The following ZNF608 variants were observed in gnomAD, a reference collection of about 807,000 sequenced individuals.
The protein encoded by ZNF608 is zinc finger protein 608.
A neutral mutation model predicts 109.0 loss-of-function variants in ZNF608; 12 were observed. The observed-to-expected ratio is 0.11, with a 90% CI of 0.07 to 0.18. The LOEUF (loss-of-function observed/expected upper bound fraction) is 0.18. Among genes scored for constraint, ZNF608 ranks in the 10% least tolerant of loss-of-function variants. The probability of loss-of-function intolerance (pLI) is 1.00; values close to 1 mark genes in which losing one functional copy is unlikely to be tolerated. For missense variants in ZNF608, 1,707 were observed against 1,879.3 expected (o/e 0.91, Z 1.70); for synonymous variants, 732 against 717.4 (o/e 1.02, Z -0.33).
chr5:124,639,270 C>T (rs190971886), intron 8 of ZNF608, 56 bp from the exon 9 acceptor site: 3 of 1,530,474 alleles, frequency 2.0e-6, no homozygotes, highest in East Asian at 4.5e-5. Context: ...AGAGTAGATA[C>T]AGGCCCAGTG....
rs755919130 is a variant in ZNF608 at position 124,653,789 on chromosome 5, G to T, written c.1163-4092C>A. ...TGGAAGTTCCAAAGAACTGGCAATA[G>T]GAGTAGAAGCCTAAAGCTTGCAAGA... On this transcript the variant is annotated intron_variant, in intron 3 of 9. Transcript: ENST00000513986. Among the ~76,000 whole-genome samples the T allele has an allele frequency of 3.3e-5, 5 of 152,184 alleles. No homozygotes were observed. In the South Asian group the frequency reaches 1.0e-3, roughly 31 times the overall value.
At chr5:124,714,206 CA>C (rs1481006288) in intron 2 of ZNF608, among the ~76,000 whole-genome samples, 1 of 152,152 alleles carries the variant, frequency 6.6e-6, no homozygotes, top group Non-Finnish European at 1.5e-5. Flanking sequence ...TATGTAATTG[CA>C]ATGTGTTTTT....
At chr5:124,708,818 G>A (rs1297112657) in intron 2 of ZNF608, 4 of 448,118 alleles carry the variant, frequency 8.9e-6, no homozygotes, top group Non-Finnish European at 1.8e-5. Context: ...AGGCCAGTGG[G>A]GCCAAGACGG....
chr5:124,648,463 T>C lies in ZNF608; in HGVS notation c.1921A>G (p.Arg641Gly), dbSNP rs753898284. The C allele has an allele frequency of 1.1e-5, 17 of 1,614,252 alleles. No individual in the cohort carries two copies. The highest frequency in any genetic ancestry group is 1.4e-5 in the Non-Finnish European group (17 of 1,180,042). The change falls in exon 5 of 10, where the codon AGA becomes GGA. Residue 641 changes from arginine to glycine, a missense_variant. Around this residue, in one of 7 missense-constraint regions of ZNF608, gnomAD observed 1,073 missense variants for 1,133.5 expected, o/e 0.95. Transcript: ENST00000513986. ...CCTGGGCCATTGCTCATCAGCTCTC[T>C]CTTTCCCTTTGGGGTCCCAGGTGGG... ...GNPPGTPKGK[R>G]ELMSNGPGSI... is the part of the protein sequence containing the mutation.
chr5:124,676,099 T>C (rs961485162), intron 3 of ZNF608, among the ~76,000 whole-genome samples: 5 of 152,128 alleles, frequency 3.3e-5, no homozygotes, highest in Non-Finnish European at 7.4e-5. Context: ...AAGTCATACT[T>C]GAAAAATGGT....
At chr5:124,741,384 C>T (rs1749389001) in intron 2 of ZNF608, among the ~76,000 whole-genome samples, 1 of 136,388 alleles carries the variant, frequency 7.3e-6, no homozygotes, top group Non-Finnish European at 1.5e-5. Flanking sequence ...TCCTGTGAAC[C>T]TTCCAACCAG....
At chr5:124,713,080 C>T (rs931826296) in intron 2 of ZNF608, among the ~76,000 whole-genome samples, 3 of 152,182 alleles carry the variant, frequency 2.0e-5, no homozygotes, top group Non-Finnish European at 1.5e-5. Flanking sequence ...TCGGGCCTTC[C>T]CAGCATGACG....
chr5:124,661,836 A>G lies in ZNF608; in HGVS notation c.1163-12139T>C, dbSNP rs542281687. Among the ~76,000 whole-genome samples the G allele has an allele frequency of 1.4e-4, 22 of 152,356 alleles. No individual in the cohort carries two copies. The South Asian group carries it at 4.1e-3, about 29-fold the overall frequency. ...TCTCTGCAAACAGGATGAAGTGTTC[A>G]AGGCATCTAACTGAAATCTAATTCC... On this transcript the variant is annotated intron_variant, in intron 3 of 9. Coordinates refer to ENST00000513986, the MANE Select transcript of ZNF608 (RefSeq NM_020747.3).
At chr5:124,726,312 C>A (rs2149886062) in intron 2 of ZNF608, among the ~76,000 whole-genome samples, 1 of 152,240 alleles carries the variant, frequency 6.6e-6, no homozygotes, top group Middle Eastern at 3.4e-3. Context: ...TAAAGCCCAC[C>A]TATTTGCCCA....
intron 2 of ZNF608, chr5:124,710,652 A>T (rs1753452817): frequency 6.5e-6 from 1 of 153,570 alleles, no homozygotes; most frequent in African/African-American, 2.4e-5. Flanking sequence ...CTTCTTATGT[A>T]TGTCTCCTGC....
upstream of ZNF608, among the ~76,000 whole-genome samples, chr5:124,747,700 G>C (rs575827649): frequency 6.6e-6 from 1 of 152,018 alleles, no homozygotes; most frequent in South Asian, 2.1e-4. Flanking sequence ...GGAGATCTAG[G>C]ATCTCCGAAG....
chr5:124,728,832 C>A (rs544320310), intron 2 of ZNF608, among the ~76,000 whole-genome samples: 3 of 152,254 alleles, frequency 2.0e-5, no homozygotes, highest in African/African-American at 4.8e-5. Context: ...TTAAACAATG[C>A]GGACTTTATC....
At chr5:124,706,058 T>C (rs1427596927) in intron 2 of ZNF608, among the ~76,000 whole-genome samples, 3 of 152,202 alleles carry the variant, frequency 2.0e-5, no homozygotes, top group Non-Finnish European at 4.4e-5. Context: ...CATACAAATA[T>C]AGCAAAATTA....
intron 2 of ZNF608, among the ~76,000 whole-genome samples, chr5:124,717,991 A>G (rs1218432515): frequency 6.6e-6 from 1 of 152,178 alleles, no homozygotes; most frequent in East Asian, 1.9e-4. Context: ...ACCTTGACGC[A>G]GGGGCTCAAC....
intron 3 of ZNF608, among the ~76,000 whole-genome samples, chr5:124,656,069 A>C (rs1202449459): frequency 6.6e-6 from 1 of 152,184 alleles, no homozygotes; most frequent in Admixed American, 6.5e-5. Flanking sequence ...CGCTGGGCTG[A>C]ATGTTTGAAG....
intron 3 of ZNF608, among the ~76,000 whole-genome samples, chr5:124,695,557 G>C (rs1363420285): frequency 6.6e-6 from 1 of 151,962 alleles, no homozygotes; most frequent in Non-Finnish European, 1.5e-5. Flanking sequence ...TTGAGCCCAG[G>C]GGTTCGAGAC....
intron 3 of ZNF608, among the ~76,000 whole-genome samples, chr5:124,691,301 G>GA (rs1580632534): frequency 1.3e-5 from 2 of 152,096 alleles, no homozygotes; most frequent in East Asian, 3.9e-4. Context: ...AGGGCTGGGG[G>GA]AACCCTTGAA....
intron 2 of ZNF608, among the ~76,000 whole-genome samples, chr5:124,727,791 G>C (rs570123456): frequency 7.0e-6 from 1 of 142,730 alleles, no homozygotes; most frequent in East Asian, 2.0e-4. Flanking sequence ...CCAGGCTAGA[G>C]TGCAATGGCA....
At chr5:124,638,939 T>C (rs1750106968) in intron 9 of ZNF608, 194 bp downstream of exon 9, 2 of 802,648 alleles carry the variant, frequency 2.5e-6, no homozygotes, top group Non-Finnish European at 3.8e-6. Flanking sequence ...CTAATCTATG[T>C]AACCCTTACA....
Sources: gnomAD v4.1 joint callset for allele counts (sites outside exome capture counted in the v4.1 genomes callset) on GRCh38, gnomAD v4.1.1 for gene constraint, gnomAD v4.1.1 regional missense constraint, MANE v1.5 for transcripts, NCBI Gene and HGNC (gene_info 2026-07-23, HGNC 2026-07-21) for gene names.